Variants in AKNAD1 observed in about 807,000 individuals in gnomAD.
The protein encoded by AKNAD1 is protein AKNAD1.
In AKNAD1, 67 loss-of-function variants were observed where a neutral mutation model predicts 90.8. That is an observed-to-expected ratio of 0.74 (90% CI 0.61 to 0.90). The LOEUF is 0.90. Ranked by LOEUF, AKNAD1 falls within the 40% of genes least tolerant of loss-of-function variation. AKNAD1 has a pLI of 0.00. For missense variants in AKNAD1, 957 were observed against 975.4 expected, an observed-to-expected ratio of 0.98 and a Z score of 0.25; for synonymous variants, 327 against 341.4, an observed-to-expected ratio of 0.96 and a Z score of 0.46.
rs180799058 is a variant in AKNAD1 at position 108,833,735 on chromosome 1, T to A, written c.1746+712A>T. Among the ~76,000 whole-genome samples the A allele has an allele frequency of 6.0e-4, 90 of 149,926 alleles. 2 individuals are homozygous for A. In the East Asian group the frequency reaches 0.015, roughly 24 times the overall value. ...CATTTTTCCCATGGTTTTTTTTTTT[T>A]AATTTTTATATTTTATCATTGCTGA... On this transcript the variant is annotated intron_variant, in intron 9 of 15. Coordinates refer to ENST00000370001, the MANE Select transcript of AKNAD1 (RefSeq NM_152763.5).
At chr1:108,833,725 T>C (rs1664284672) in intron 9 of AKNAD1, among the ~76,000 whole-genome samples, 2 of 107,482 alleles carry the variant, frequency 1.9e-5, no homozygotes, top group South Asian at 5.0e-4. Flanking sequence ...TTCCCATGGT[T>C]TTTTTTTTTT....
chr1:108,818,677 A>C (rs1346306556), intron 14 of AKNAD1, among the ~76,000 whole-genome samples: 1 of 152,112 alleles, frequency 6.6e-6, no homozygotes, highest in Non-Finnish European at 1.5e-5. Context: ...AAACCCAAGA[A>C]GTCGGCCAGG....
chr1:108,833,697 G>A (rs28673708), intron 9 of AKNAD1, among the ~76,000 whole-genome samples: 2 of 149,142 alleles, frequency 1.3e-5, no homozygotes, highest in East Asian at 3.9e-4. Flanking sequence ...TAAAAAAAAA[G>A]GGTTTTTTCA....
At chr1:108,831,395 T>C (rs1664189216) in intron 9 of AKNAD1, among the ~76,000 whole-genome samples, 1 of 152,204 alleles carries the variant, frequency 6.6e-6, no homozygotes, top group Admixed American at 6.5e-5. Flanking sequence ...GTTGCGAACA[T>C]GTTTGTGTGA....
intron 10 of AKNAD1, among the ~76,000 whole-genome samples, chr1:108,830,214 C>A (rs1664140518): frequency 6.6e-6 from 1 of 152,172 alleles, no homozygotes; most frequent in South Asian, 2.1e-4. Flanking sequence ...TGGGCTGTAA[C>A]CATGATTCTT....
In AKNAD1 at chr1:108,852,223, TA is replaced by T; in HGVS notation, c.441del (p.Ile148LeufsTer50). On this transcript the variant is annotated frameshift_variant, in exon 2 of 16. Coordinates refer to ENST00000370001, the MANE Select transcript of AKNAD1 (RefSeq NM_152763.5). LOFTEE classifies it high-confidence loss of function. Reference sequence around the variant, plus strand: ...TTATAACATGAAATAATACTTTTAATAATAGCTTCCTCTTCAAAACTGTCGG... The same window carrying T: ...TTATAACATGAAATAATACTTTTAATATAGCTTCCTCTTCAAAACTGTCGG... ...SNADSFEEEA[I>X]IKSIISCYNK... 1 of 1,613,432 alleles carries T rather than the reference TA, an allele frequency of 6.2e-7. No individual in the cohort carries two copies. Among genetic ancestry groups the T allele is most frequent in the Non-Finnish European group, 8.5e-7 (1 of 1,179,710 alleles).
intron 13 of AKNAD1, 41 bp from the exon 14 acceptor site, chr1:108,820,667 A>C: frequency 7.9e-7 from 1 of 1,261,874 alleles, no homozygotes; most frequent in Non-Finnish European, 1.2e-6. Flanking sequence ...AGTATCAAAA[A>C]TGAGCCCCAA....
At chr1:108,854,799 G>T (rs1291437611) in intron 1 of AKNAD1, among the ~76,000 whole-genome samples, 2 of 152,226 alleles carry the variant, frequency 1.3e-5, no homozygotes, top group Non-Finnish European at 2.9e-5. Context: ...AAGGCACAGT[G>T]GGAAAGCAGA....
In AKNAD1 at chr1:108,848,796, T is replaced by C. The variant is rs753748198; in HGVS notation, c.1201A>G (p.Arg401Gly). Reference sequence around the variant, plus strand: ...TGGTAAGGAGAGTCCTGTTTTATTCTTTTGGAAAATTCTTGTACCTGCAGT... The same window carrying C: ...TGGTAAGGAGAGTCCTGTTTTATTCCTTTGGAAAATTCTTGTACCTGCAGT... ...LKTKVQEFSK[R>G]IKQDSPYHLQ... is the part of the protein sequence containing the mutation. Residue 401 changes from arginine to glycine, a missense_variant, in exon 5 of 16, where the codon AGA (arginine) becomes GGA (glycine). Physicochemically the swap from Arg to Gly is moderately radical, Grantham distance 125. Coordinates refer to ENST00000370001, the MANE Select transcript of AKNAD1 (RefSeq NM_152763.5). 1 of 1,610,680 alleles carries C rather than the reference T, an allele frequency of 6.2e-7. No individual in the cohort carries two copies. The highest frequency in any genetic ancestry group is 8.5e-7 in the Non-Finnish European group (1 of 1,179,258).
intron 10 of AKNAD1, among the ~76,000 whole-genome samples, chr1:108,830,291 G>A (rs1007362167): frequency 6.6e-6 from 1 of 152,202 alleles, no homozygotes; most frequent in Non-Finnish European, 1.5e-5. Context: ...GAGCCCCACC[G>A]CTGGCGATGC....
intron 13 of AKNAD1, 75 bp downstream of exon 13, chr1:108,823,295 A>C: frequency 8.6e-7 from 1 of 1,156,124 alleles, no homozygotes; most frequent in Non-Finnish European, 1.3e-6. Context: ...AGCAGTGGCC[A>C]GTGTCATGTG....
Position 108,834,386 on chromosome 1 carries a change from G to GT in AKNAD1, c.1746+60dup, listed in dbSNP as rs1664308712. Reference sequence around the variant, plus strand: ...TTCACAGTCACATTCAGCAACACTGGTTTTAGTTAAAGAGCCAACAATGAG... The same window carrying GT: ...TTCACAGTCACATTCAGCAACACTGGTTTTTAGTTAAAGAGCCAACAATGAG... On this transcript the variant is annotated intron_variant, in intron 9 of 15. Coordinates refer to ENST00000370001, the MANE Select transcript of AKNAD1 (RefSeq NM_152763.5). 3.6e-6 allele frequency: 5 copies of GT among 1,393,654 alleles called. No individual in the cohort carries two copies. In the South Asian group the frequency reaches 6.3e-5, roughly 18 times the overall value. The allele number at this position is 1,393,654 out of a possible 1,614,324, so 86.3% of individuals were successfully genotyped here. A position where few individuals can be genotyped will look rare whatever the true frequency, so the allele number is the denominator to read the frequency against.
In AKNAD1 at chr1:108,839,471, T is replaced by TAA. The variant is rs3044857; in HGVS notation, c.1380-1767_1380-1766dup. Among the ~76,000 whole-genome samples, 135 of 126,082 alleles carry TAA rather than the reference T, an allele frequency of 1.1e-3. 1 individual carries two copies. Among genetic ancestry groups the TAA allele is most frequent in the Non-Finnish European group, 1.2e-3 (72 of 62,056 alleles). 82.7% of individuals were successfully genotyped at this position (126,082 alleles called of 152,430 possible). On this transcript the variant is annotated intron_variant, in intron 6 of 15. Coordinates refer to ENST00000370001, the MANE Select transcript of AKNAD1 (RefSeq NM_152763.5). The stretch of plus-strand genomic sequence containing the variant: ...CTGGAGGAGCGAGACTCCGTCTCAA[T>TAA]AAAAAAAAAAAGAAAAGGGAAAATT...
At chr1:108,850,160 G>C (rs754042026) in intron 2 of AKNAD1, among the ~76,000 whole-genome samples, 14 of 152,200 alleles carry the variant, frequency 9.2e-5, no homozygotes, top group Non-Finnish European at 1.6e-4. Context: ...AAATTCCAGA[G>C]TGATTCACCT....
chr1:108,820,060 C>T (rs920185324), intron 14 of AKNAD1, among the ~76,000 whole-genome samples: 33 of 152,118 alleles, frequency 2.2e-4, no homozygotes, highest in African/African-American at 8.0e-4. Context: ...CATCTTGCTC[C>T]ACTGCCGCTC....
At chr1:108,832,699 T>C (rs1664248605) in intron 9 of AKNAD1, among the ~76,000 whole-genome samples, 1 of 152,192 alleles carries the variant, frequency 6.6e-6, no homozygotes, top group African/African-American at 2.4e-5. Context: ...AAAATATCAA[T>C]ATTGTCAAGG....
upstream of AKNAD1, chr1:108,857,492 T>C (rs1437897262): frequency 6.5e-6 from 1 of 152,720 alleles, no homozygotes; most frequent in Non-Finnish European, 1.5e-5. Context: ...CGAATTGTTG[T>C]TTCCGGCTGG....
At chr1:108,850,489 G>A (rs1664818004) in intron 2 of AKNAD1, among the ~76,000 whole-genome samples, 1 of 152,214 alleles carries the variant, frequency 6.6e-6, no homozygotes, top group African/African-American at 2.4e-5. Flanking sequence ...CCACGGGGGT[G>A]TAGGTTTCTC....
chr1:108,850,013 C>G (rs1411608960), intron 2 of AKNAD1, among the ~76,000 whole-genome samples: 2 of 152,178 alleles, frequency 1.3e-5, no homozygotes, highest in Non-Finnish European at 2.9e-5. Context: ...TTGTCACCAG[C>G]TCTGTTGCTG....
Sources: gnomAD v4.1 joint callset for allele counts (sites outside exome capture counted in the v4.1 genomes callset) on GRCh38, gnomAD v4.1.1 for gene constraint, MANE v1.5 for transcripts, NCBI Gene and HGNC (gene_info 2026-07-23, HGNC 2026-07-21) for gene names.